The following ARK2N variants were observed in gnomAD, a reference collection of about 807,000 sequenced individuals.
ARK2N encodes the protein protein ARK2N.
the ARK2N span, among the ~76,000 whole-genome samples, chr18:46,223,634 A>G: frequency 2.0e-5 from 3 of 152,224 alleles, no homozygotes; most frequent in Non-Finnish European, 1.5e-5. Flanking sequence ...AGCATTTCAT[A>G]AGAGCATTAT....
the ARK2N span, among the ~76,000 whole-genome samples, chr18:46,189,720 T>TG: frequency 1.3e-5 from 2 of 152,128 alleles, no homozygotes; most frequent in African/African-American, 4.8e-5. Flanking sequence ...AAAAATTACC[T>TG]GGGCTTGGTG....
the ARK2N span, among the ~76,000 whole-genome samples, chr18:46,212,990 A>ATTTTTT: frequency 6.2e-5 from 5 of 80,496 alleles, no homozygotes; most frequent in Non-Finnish European, 1.2e-4. Flanking sequence ...TTTAAGAAGA[A>ATTTTTT]TTTTTTTTTT....
At chr18:46,216,496 A>G in the ARK2N span, 1 of 1,614,216 alleles carries the variant, frequency 6.2e-7, no homozygotes, top group Non-Finnish European at 8.5e-7. This position sits in a 1 kb window ranked among gnomAD's most constrained non-coding sequence, Gnocchi z 4.3. Context: ...GGACAGTAGT[A>G]CCAGTGATAG....
chr18:46,235,378 T>C, the ARK2N span, among the ~76,000 whole-genome samples: 2 of 152,230 alleles, frequency 1.3e-5, no homozygotes, highest in Non-Finnish European at 2.9e-5. Context: ...CAGAGCTTCT[T>C]GCATGCCAGT....
chr18:46,177,424 T>A, the ARK2N span, among the ~76,000 whole-genome samples: 1 of 134,300 alleles, frequency 7.4e-6, no homozygotes, highest in East Asian at 2.2e-4. Flanking sequence ...CTTTCTTTTT[T>A]TCTTTACTTT....
At chr18:46,266,262 C>T in the ARK2N span, 1 of 152,690 alleles carries the variant, frequency 6.5e-6, no homozygotes, top group South Asian at 2.1e-4. Flanking sequence ...TATACTGTCA[C>T]AAAGGTTTTT....
At chr18:46,214,401 C>G in the ARK2N span, among the ~76,000 whole-genome samples, 1 of 152,242 alleles carries the variant, frequency 6.6e-6, no homozygotes, top group East Asian at 1.9e-4. Flanking sequence ...TATTTAGCAT[C>G]CTCTTTAAAA....
chr18:46,211,875 T>A, the ARK2N span, among the ~76,000 whole-genome samples: 2 of 152,214 alleles, frequency 1.3e-5, no homozygotes, highest in Non-Finnish European at 2.9e-5. Flanking sequence ...CAATTCCTAT[T>A]TGACAATTAT....
the ARK2N span, among the ~76,000 whole-genome samples, chr18:46,195,022 G>A: frequency 1.3e-5 from 2 of 150,832 alleles, no homozygotes; most frequent in Admixed American, 1.3e-4. Flanking sequence ...GGCTGGTCTC[G>A]AACTCCTGGC....
the ARK2N span, among the ~76,000 whole-genome samples, chr18:46,184,016 A>G: frequency 6.7e-6 from 1 of 149,820 alleles, no homozygotes; most frequent in Non-Finnish European, 1.5e-5. Flanking sequence ...TTTGAGACGG[A>G]GCCTCACAGT....
the ARK2N span, among the ~76,000 whole-genome samples, chr18:46,176,952 T>C: frequency 6.6e-6 from 1 of 152,174 alleles, no homozygotes; most frequent in African/African-American, 2.4e-5. Context: ...AGTCTCCCTA[T>C]GTTGCCCAGA....
At chr18:46,245,924 T>C in the ARK2N span, among the ~76,000 whole-genome samples, 2 of 152,208 alleles carry the variant, frequency 1.3e-5, no homozygotes, top group African/African-American at 2.4e-5. Context: ...AGGTCTGTAG[T>C]GGGAGGACAA....
the ARK2N span, among the ~76,000 whole-genome samples, chr18:46,255,445 C>CTTTTTTT: frequency 5.0e-4 from 39 of 77,718 alleles, no homozygotes; most frequent in African/African-American, 1.7e-3. Flanking sequence ...CTTTTCTTTT[C>CTTTTTTT]TTTTTTTTTT....
At chr18:46,234,570 G>C in the ARK2N span, among the ~76,000 whole-genome samples, 27,698 of 147,820 alleles carry the variant, frequency 0.19, 2,768 homozygotes, top group East Asian at 0.41. Flanking sequence ...TTTTTTTCTT[G>C]AGTAGGTCTT....
At chr18:46,217,049 C>G in the ARK2N span, 1 of 154,100 alleles carries the variant, frequency 6.5e-6, no homozygotes, top group Non-Finnish European at 1.4e-5. Flanking sequence ...TTAAAGTTTT[C>G]TAATAATTTT....
the ARK2N span, among the ~76,000 whole-genome samples, chr18:46,207,849 C>A: frequency 1.3e-5 from 2 of 152,140 alleles, no homozygotes; most frequent in Admixed American, 1.3e-4. Flanking sequence ...TTTACAGTAC[C>A]CTGATTTCAA....
the ARK2N span, among the ~76,000 whole-genome samples, chr18:46,227,829 C>T: frequency 6.6e-6 from 1 of 152,018 alleles, no homozygotes; most frequent in Non-Finnish European, 1.5e-5. Context: ...AACTCCCAAC[C>T]TCAGGTGATC....
chr18:46,179,906 T>C, the ARK2N span, among the ~76,000 whole-genome samples: 1 of 152,196 alleles, frequency 6.6e-6, no homozygotes, highest in Non-Finnish European at 1.5e-5. Flanking sequence ...ATTACAGGTG[T>C]GAGCCACTGC....
the ARK2N span, chr18:46,232,035 C>T: frequency 6.6e-6 from 1 of 152,108 alleles, no homozygotes; most frequent in East Asian, 1.9e-4. Context: ...CCACAGCGCT[C>T]AGTCTGATTT....
Sources: gnomAD v4.1 joint callset for allele counts (sites outside exome capture counted in the v4.1 genomes callset) on GRCh38, gnomAD v4.1.1 for gene constraint, Gnocchi (gnomAD v3.1) non-coding constraint, MANE v1.5 for transcripts, NCBI Gene and HGNC (gene_info 2026-07-23, HGNC 2026-07-21) for gene names.